Variants in NRG3 observed in about 807,000 individuals in gnomAD.
NRG3 encodes pro-neuregulin-3, membrane-bound isoform.
A neutral mutation model predicts 66.9 loss-of-function variants in NRG3; 31 were observed. The ratio of observed to expected loss-of-function variants is 0.46; its 90% CI spans 0.35 to 0.63. The LOEUF (loss-of-function observed/expected upper bound fraction) is 0.63, where lower values mean the gene tolerates loss of function less well. Among genes scored for constraint, NRG3 ranks in the 20% least tolerant of loss-of-function variants. The pLI, the probability that NRG3 is intolerant of heterozygous loss-of-function variation, is 0.00. For missense variants in NRG3, 910 were observed against 878.9 expected (o/e 1.04, Z -0.45); for synonymous variants, 393 against 359.4 (o/e 1.09, Z -1.06).
At chr10:82,721,819 ATG>A (rs2057338295) in intron 2 of NRG3, among the ~76,000 whole-genome samples, 1 of 152,076 alleles carries the variant, frequency 6.6e-6, no homozygotes, top group Admixed American at 6.5e-5. Context: ...ATCCTTACAC[ATG>A]TGTTTGTGTA....
At chr10:82,815,183 G>GA (rs2061655611) in intron 3 of NRG3, among the ~76,000 whole-genome samples, 3 of 152,220 alleles carry the variant, frequency 2.0e-5, no homozygotes. Flanking sequence ...GCATCCTGAT[G>GA]AAAGTTTGTT....
At chr10:82,238,031 A>G (rs536298662) in intron 1 of NRG3, among the ~76,000 whole-genome samples, 1 of 152,298 alleles carries the variant, frequency 6.6e-6, no homozygotes, top group Non-Finnish European at 1.5e-5. Context: ...CTCTGTAATC[A>G]TAAATTTGAA....
chr10:82,806,341 A>C (rs1027298091), intron 3 of NRG3, among the ~76,000 whole-genome samples: 3 of 152,098 alleles, frequency 2.0e-5, no homozygotes, highest in Non-Finnish European at 4.4e-5. Context: ...AGACGGCATT[A>C]TTTTCTATAT....
chr10:82,887,473 T>A (rs1842823798), intron 4 of NRG3, among the ~76,000 whole-genome samples: 1 of 152,354 alleles, frequency 6.6e-6, no homozygotes. Context: ...TCAGCATTTA[T>A]AATTGAGTTT....
chr10:82,759,007 T>A (rs1354570638), intron 3 of NRG3, among the ~76,000 whole-genome samples: 1 of 152,032 alleles, frequency 6.6e-6, no homozygotes, highest in East Asian at 1.9e-4. Flanking sequence ...CCAAAACTCA[T>A]GTTGAAATTT....
At chr10:82,674,763 C>A (rs1797151246) in intron 2 of NRG3, among the ~76,000 whole-genome samples, 3 of 151,404 alleles carry the variant, frequency 2.0e-5, no homozygotes, top group Admixed American at 2.0e-4. Context: ...CCCACCCCCA[C>A]CTGCCGTAAT....
intron 1 of NRG3, among the ~76,000 whole-genome samples, chr10:82,338,621 C>T (rs868559157): frequency 6.6e-5 from 10 of 151,968 alleles, no homozygotes; most frequent in African/African-American, 1.9e-4. Context: ...CATCATACAG[C>T]GATATTACAG....
intron 2 of NRG3, among the ~76,000 whole-genome samples, chr10:82,638,770 C>A (rs2050368898): frequency 6.6e-6 from 1 of 152,084 alleles, no homozygotes; most frequent in South Asian, 2.1e-4. Flanking sequence ...CCTTAGCCTC[C>A]CAAGTAGCTG....
At chr10:82,618,290 G>A (rs1049359576) in intron 2 of NRG3, among the ~76,000 whole-genome samples, 1 of 151,984 alleles carries the variant, frequency 6.6e-6, no homozygotes, top group Non-Finnish European at 1.5e-5. Context: ...GTGTGTGTAG[G>A]GCCTGCAGAG....
intron 1 of NRG3, among the ~76,000 whole-genome samples, chr10:82,249,169 G>A (rs1171989732): frequency 6.6e-6 from 1 of 152,104 alleles, no homozygotes; most frequent in Non-Finnish European, 1.5e-5. Context: ...ATTTATTTAT[G>A]TACATGTTGT....
rs915933537 is a variant in NRG3, at chr10:81,936,932, T to A, written c.823+60769T>A. Among the ~76,000 whole-genome samples the A allele has an allele frequency of 2.0e-5, 3 of 152,174 alleles. No homozygotes were observed. In the South Asian group the frequency reaches 6.2e-4, roughly 31 times the overall value. Reference sequence around the variant, plus strand: ...TCTATGCACATTGTTGTGCAACAGATCTCTACAACTTTTCCATCTTTTGCA... The same window carrying A: ...TCTATGCACATTGTTGTGCAACAGAACTCTACAACTTTTCCATCTTTTGCA... On this transcript the variant is annotated intron_variant, in intron 1 of 8. Transcript: ENST00000372141.
intron 1 of NRG3, among the ~76,000 whole-genome samples, chr10:82,034,743 T>G (rs1247410325): frequency 2.0e-5 from 3 of 152,022 alleles, no homozygotes; most frequent in Non-Finnish European, 4.4e-5. Context: ...ATGGTTGAGC[T>G]TAAAACCCAC....
At chr10:82,945,505 T>A (rs1169865909) in intron 4 of NRG3, among the ~76,000 whole-genome samples, 2 of 151,980 alleles carry the variant, frequency 1.3e-5, no homozygotes, top group Non-Finnish European at 2.9e-5. Flanking sequence ...GGCTGGGAAG[T>A]CCAAAAGCAT....
intron 1 of NRG3, among the ~76,000 whole-genome samples, chr10:81,888,469 A>G (rs1842782515): frequency 1.3e-5 from 2 of 152,200 alleles, no homozygotes; most frequent in Admixed American, 6.6e-5. Flanking sequence ...TGAGAAGATC[A>G]GAAGATATGC....
At chr10:82,409,400 AAG>A (rs2087874272) in intron 2 of NRG3, among the ~76,000 whole-genome samples, 1 of 152,306 alleles carries the variant, frequency 6.6e-6, no homozygotes, top group South Asian at 2.1e-4. Context: ...GCACTCCATT[AAG>A]AACACATGAG....
At chr10:82,629,178 A>G (rs2133702765) in intron 2 of NRG3, among the ~76,000 whole-genome samples, 1 of 152,314 alleles carries the variant, frequency 6.6e-6, no homozygotes, top group South Asian at 2.1e-4. Flanking sequence ...AGTATTGTCA[A>G]ATGGGAATTC....
intron 1 of NRG3, among the ~76,000 whole-genome samples, chr10:82,131,064 A>AT (rs938169631): frequency 3.9e-5 from 6 of 151,958 alleles, no homozygotes; most frequent in Admixed American, 6.6e-5. Flanking sequence ...TTCTTTGTCT[A>AT]TTTTTGCTTT....
chr10:82,620,464 G>A lies in NRG3; in HGVS notation c.954-118113G>A, dbSNP rs142445584. Reference sequence around the variant, plus strand: ...TCTTCCCTGAAGTCTGGCCCTCTCCGGCTGGCTCTTCCCCAAAGTTAAGCC... The same window carrying A: ...TCTTCCCTGAAGTCTGGCCCTCTCCAGCTGGCTCTTCCCCAAAGTTAAGCC... On this transcript the variant is annotated intron_variant, in intron 2 of 8. Coordinates refer to ENST00000372141, the MANE Select transcript of NRG3 (RefSeq NM_001010848.4). Among the ~76,000 whole-genome samples the A allele has an allele frequency of 7.6e-3, 1,149 of 152,152 alleles. 5 individuals carry two copies. Among genetic ancestry groups the A allele is most frequent in the Non-Finnish European group, 0.013 (875 of 67,992 alleles).
intron 2 of NRG3, among the ~76,000 whole-genome samples, chr10:82,511,324 G>A (rs1221962229): frequency 1.3e-5 from 2 of 152,182 alleles, no homozygotes; most frequent in Non-Finnish European, 2.9e-5. Context: ...ATTTGTGCAC[G>A]ATTCTCTGCA....
Sources: allele counts gnomAD v4.1 joint callset (sites outside exome capture counted in the v4.1 genomes callset), GRCh38; gene constraint gnomAD v4.1.1; transcripts MANE v1.5; gene names NCBI Gene and HGNC (gene_info 2026-07-23, HGNC 2026-07-21).